PIP5K1B: variants seen among roughly 807,000 people sequenced by gnomAD.
PIP5K1B encodes the protein phosphatidylinositol-4-phosphate 5-kinase type 1 beta.
PIP5K1B carries 42 observed loss-of-function variants against 67.0 expected under a neutral mutation model. The ratio of observed to expected loss-of-function variants is 0.63; its 90% CI spans 0.49 to 0.81. The LOEUF (loss-of-function observed/expected upper bound fraction) is 0.81. PIP5K1B is among the 30% of genes least tolerant of loss of function. PIP5K1B has a pLI of 0.00. For synonymous variants in PIP5K1B, 214 were observed against 231.4 expected (o/e 0.92, Z 0.68); for missense variants, 459 against 646.3 (o/e 0.71, Z 3.14).
chr9:68,961,070 C>T (rs1030544331), intron 14 of PIP5K1B, among the ~76,000 whole-genome samples: 3 of 152,024 alleles, frequency 2.0e-5, no homozygotes, highest in Middle Eastern at 3.4e-3. Context: ...ATTAGCCGGG[C>T]GCGGTGGCGG....
At chr9:68,784,052 C>G (rs2132470283) in intron 2 of PIP5K1B, 1 of 167,074 alleles carries the variant, frequency 6.0e-6, no homozygotes, top group East Asian at 1.9e-4. Flanking sequence ...TATTTTAGAT[C>G]CTTTTCCCCG....
At chr9:68,780,359 C>T (rs553387436) in intron 2 of PIP5K1B, 8 of 1,612,272 alleles carry the variant, frequency 5.0e-6, no homozygotes, top group East Asian at 2.2e-5. Context: ...GCACAACGTT[C>T]CCGAGCCGCC....
At chr9:68,850,816 C>A (rs1380908452) in intron 4 of PIP5K1B, among the ~76,000 whole-genome samples, 1 of 152,030 alleles carries the variant, frequency 6.6e-6, no homozygotes, top group East Asian at 1.9e-4. Context: ...TATTTGAATA[C>A]ACAGACAAAT....
At chr9:68,878,013 C>G (rs867225854) in intron 6 of PIP5K1B, among the ~76,000 whole-genome samples, 2 of 142,006 alleles carry the variant, frequency 1.4e-5, no homozygotes, top group African/African-American at 2.6e-5. Context: ...CGCATTTGTT[C>G]TGTGTGTGTG....
intron 7 of PIP5K1B, among the ~76,000 whole-genome samples, chr9:68,889,522 C>T (rs893755487): frequency 2.6e-5 from 4 of 152,126 alleles, no homozygotes; most frequent in African/African-American, 7.2e-5. Context: ...ATCACAAGGT[C>T]AGGAGATTAA....
chr9:68,712,576 T>C (rs1460051417), intron 1 of PIP5K1B, among the ~76,000 whole-genome samples: 2 of 152,196 alleles, frequency 1.3e-5, no homozygotes, highest in East Asian at 1.9e-4. Context: ...AATGAATACA[T>C]GAATAAGCCC....
intron 8 of PIP5K1B, among the ~76,000 whole-genome samples, chr9:68,907,893 A>G (rs1825691444): frequency 6.6e-6 from 1 of 152,240 alleles, no homozygotes; most frequent in South Asian, 2.1e-4. Context: ...TTTATCACGG[A>G]CAGATTCTTC....
At chr9:68,983,694 C>T (rs1326209682) in intron 14 of PIP5K1B, among the ~76,000 whole-genome samples, 1 of 152,182 alleles carries the variant, frequency 6.6e-6, no homozygotes, top group Admixed American at 6.5e-5. Flanking sequence ...CAGTGCATTA[C>T]AGGCCTGTGT....
chr9:68,755,519 T>C (rs1829882361), intron 2 of PIP5K1B, among the ~76,000 whole-genome samples: 1 of 152,344 alleles, frequency 6.6e-6, no homozygotes, highest in South Asian at 2.1e-4. Context: ...CACAAGATTT[T>C]TCCTCCTTAA....
chr9:68,805,386 G>A (rs1158820293), intron 2 of PIP5K1B, among the ~76,000 whole-genome samples: 2 of 152,206 alleles, frequency 1.3e-5, no homozygotes, highest in African/African-American at 4.8e-5. Context: ...TCTGTCCTGT[G>A]GTGCTCCTTC....
At chr9:68,904,186 T>C (rs1825500149) in intron 8 of PIP5K1B, among the ~76,000 whole-genome samples, 1 of 152,242 alleles carries the variant, frequency 6.6e-6, no homozygotes, top group Admixed American at 6.5e-5. Flanking sequence ...ACCCATGTTC[T>C]TTCATCATTA....
chr9:68,713,484 A>G (rs984455239), intron 1 of PIP5K1B, among the ~76,000 whole-genome samples: 5 of 152,182 alleles, frequency 3.3e-5, no homozygotes, highest in African/African-American at 9.7e-5. Context: ...TGCATACCCA[A>G]TATTGCCAGT....
chr9:69,008,499 T>C lies in PIP5K1B; in HGVS notation c.*50T>C, dbSNP rs768077066. ...CATGGATGAGACGTGAGCACAGTTA[T>C]GGCAGAGAAGTTTCTCCGCACCAGA... On this transcript the variant is annotated 3_prime_UTR_variant, in exon 16 of 16. Coordinates refer to ENST00000265382, the MANE Select transcript of PIP5K1B (RefSeq NM_003558.4). The C allele has an allele frequency of 8.3e-5, 132 of 1,598,692 alleles. No homozygotes were observed. Among genetic ancestry groups the C allele is most frequent in the Non-Finnish European group, 1.1e-4 (125 of 1,166,020 alleles).
chr9:68,880,600 C>T (rs944139540), intron 6 of PIP5K1B, among the ~76,000 whole-genome samples: 1 of 149,914 alleles, frequency 6.7e-6, no homozygotes, highest in Middle Eastern at 3.4e-3. Context: ...CATACACACA[C>T]ACACACACAC....
At chr9:68,919,396 C>A in intron 9 of PIP5K1B, 83 bp from the exon 10 acceptor site, 3 of 645,130 alleles carry the variant, frequency 4.7e-6, no homozygotes, top group Non-Finnish European at 7.8e-6. Context: ...TTTTTATTTT[C>A]AGTCTATTTA....
intron 8 of PIP5K1B, among the ~76,000 whole-genome samples, chr9:68,913,961 C>T (rs1825969563): frequency 6.6e-6 from 1 of 152,046 alleles, no homozygotes; most frequent in African/African-American, 2.4e-5. Context: ...GACTTTGTCT[C>T]ACCTGTAAAA....
intron 4 of PIP5K1B, among the ~76,000 whole-genome samples, chr9:68,829,203 G>T (rs913447532): frequency 6.6e-6 from 1 of 152,202 alleles, no homozygotes; most frequent in African/African-American, 2.4e-5. Flanking sequence ...TCAGGATTTT[G>T]GAGGGAAGAG....
intron 6 of PIP5K1B, among the ~76,000 whole-genome samples, chr9:68,886,404 C>A (rs1020555078): frequency 4.6e-5 from 7 of 152,108 alleles, no homozygotes; most frequent in African/African-American, 1.7e-4. Context: ...TACAGCCATA[C>A]AATTATTGGT....
In PIP5K1B at chr9:68,836,097, G is replaced by A. The variant is rs78897054; in HGVS notation, c.69+13414G>A. Among the ~76,000 whole-genome samples the A allele has an allele frequency of 1.3e-3, 204 of 152,312 alleles. 6 individuals are homozygous for A. In the East Asian group the frequency reaches 0.037, roughly 28 times the overall value. On this transcript the variant is annotated intron_variant, in intron 4 of 15. Transcript: ENST00000265382. ...GGGTGAGGGTGTATGGTTGAAGACA[G>A]TAGGGTAAGGGAAGGTGGGAGTGGG...
Sources: gnomAD v4.1 joint callset for allele counts (sites outside exome capture counted in the v4.1 genomes callset) on GRCh38, gnomAD v4.1.1 for gene constraint, MANE v1.5 for transcripts, NCBI Gene and HGNC (gene_info 2026-07-23, HGNC 2026-07-21) for gene names.